The following CDKAL1 variants were observed in gnomAD, a reference collection of about 807,000 sequenced individuals.
CDKAL1 encodes the protein threonylcarbamoyladenosine tRNA methylthiotransferase.
CDKAL1 carries 32 observed loss-of-function variants against 68.2 expected under a neutral mutation model. That is an observed-to-expected ratio of 0.47 (90% CI 0.35 to 0.63). CDKAL1 has a LOEUF of 0.63. Among genes scored for constraint, CDKAL1 ranks in the 30% least tolerant of loss-of-function variants. The pLI is 0.00. For synonymous variants in CDKAL1, 234 were observed against 244.3 expected, an observed-to-expected ratio of 0.96 and a Z score of 0.39; for missense variants, 606 against 696.7, an observed-to-expected ratio of 0.87 and a Z score of 1.47.
chr6:20,963,451 A>G (rs183183868), intron 10 of CDKAL1, among the ~76,000 whole-genome samples: 12 of 152,244 alleles, frequency 7.9e-5, no homozygotes, highest in East Asian at 3.9e-4. Context: ...CTTGATCTCA[A>G]CTACTCCTCA....
chr6:21,205,124 C>T (rs1036701719), intron 15 of CDKAL1, among the ~76,000 whole-genome samples: 3 of 152,274 alleles, frequency 2.0e-5, no homozygotes, highest in Non-Finnish European at 4.4e-5. Flanking sequence ...TAGCACGTGT[C>T]AGAATTTTCC....
chr6:21,002,228 T>A (rs1339266418), intron 11 of CDKAL1, among the ~76,000 whole-genome samples: 1 of 152,224 alleles, frequency 6.6e-6, no homozygotes, highest in Non-Finnish European at 1.5e-5. Flanking sequence ...TTTCGTTGGA[T>A]TCTGAGTTAT....
At chr6:20,815,612 A>G (rs1352595383) in intron 8 of CDKAL1, among the ~76,000 whole-genome samples, 4 of 151,644 alleles carry the variant, frequency 2.6e-5, no homozygotes, top group Non-Finnish European at 5.9e-5. Flanking sequence ...TTAACTGACT[A>G]CACTTAAAAA....
chr6:20,729,267 T>TC (rs1437813081), intron 5 of CDKAL1, among the ~76,000 whole-genome samples: 1 of 152,204 alleles, frequency 6.6e-6, no homozygotes, highest in African/African-American at 2.4e-5. Flanking sequence ...GATGATGCCT[T>TC]CTAAGGAGCT....
intron 5 of CDKAL1, among the ~76,000 whole-genome samples, chr6:20,703,904 T>C (rs568288425): frequency 1.3e-5 from 2 of 152,316 alleles, no homozygotes; most frequent in African/African-American, 2.4e-5. Flanking sequence ...CTTTGAAAAC[T>C]GCTAAAAGTT....
intron 9 of CDKAL1, among the ~76,000 whole-genome samples, chr6:20,921,221 G>A (rs575321513): frequency 9.2e-5 from 14 of 152,272 alleles, no homozygotes; most frequent in South Asian, 8.3e-4. Context: ...ACGAGGTCAA[G>A]AGATCAAGAC....
intron 12 of CDKAL1, among the ~76,000 whole-genome samples, chr6:21,079,776 T>C (rs1325256246): frequency 1.3e-5 from 2 of 152,186 alleles, no homozygotes; most frequent in African/African-American, 4.8e-5. Context: ...CCCAACCTCT[T>C]CTACTCTGAA....
intron 10 of CDKAL1, among the ~76,000 whole-genome samples, chr6:20,976,038 C>G (rs910657790): frequency 6.6e-6 from 1 of 152,142 alleles, no homozygotes; most frequent in Non-Finnish European, 1.5e-5. Flanking sequence ...ATTTACCCCT[C>G]CCTTCTTCTA....
intron 4 of CDKAL1, among the ~76,000 whole-genome samples, chr6:20,635,499 C>A (rs1767864419): frequency 6.7e-6 from 1 of 150,266 alleles, no homozygotes; most frequent in East Asian, 1.9e-4. Context: ...TTTTTTTTTT[C>A]CAGATTTTGG....
Position 20,835,516 on chromosome 6 carries a change from C to CTT in CDKAL1, c.639-10558_639-10557dup, listed in dbSNP as rs766663118. Among the ~76,000 whole-genome samples, 66 of 138,114 alleles carry CTT rather than the reference C, an allele frequency of 4.8e-4. 3 individuals carry two copies. The highest frequency in any genetic ancestry group is 1.0e-3 in the African/African-American group (36 of 36,016). 90.6% of individuals were successfully genotyped at this position (138,114 alleles called of 152,430 possible). On this transcript the variant is annotated intron_variant, in intron 8 of 15. Coordinates refer to ENST00000274695, the MANE Select transcript of CDKAL1 (RefSeq NM_017774.3). Reference sequence around the variant, plus strand: ...CTTGTCTTGTCTTGTCTTGTCTTGTCTTGTCTTTTGTCTTGTCTTGTCTTG... The same window carrying CTT: ...CTTGTCTTGTCTTGTCTTGTCTTGTCTTTTGTCTTTTGTCTTGTCTTGTCTTG...
intron 4 of CDKAL1, among the ~76,000 whole-genome samples, chr6:20,609,603 T>C (rs1433545774): frequency 7.3e-5 from 11 of 151,720 alleles, no homozygotes; most frequent in African/African-American, 2.7e-4. Context: ...ACCATGTTGT[T>C]CAGGCTGGTC....
rs148483033 is a variant in CDKAL1, at chr6:21,048,922, T to C, written c.1056-16126T>C. Among the ~76,000 whole-genome samples, 120 of 152,150 alleles carry C rather than the reference T, an allele frequency of 7.9e-4. 1 individual carries two copies. Among genetic ancestry groups the C allele is most frequent in the African/African-American group, 2.8e-3 (115 of 41,524 alleles). ...TGGTTCTGCTAATGTGAAAGCCCTT[T>C]CAAATATGAAAAAAATAAAGCAAGA... On this transcript the variant is annotated intron_variant, in intron 11 of 15. Coordinates refer to ENST00000274695, the MANE Select transcript of CDKAL1 (RefSeq NM_017774.3).
intron 9 of CDKAL1, among the ~76,000 whole-genome samples, chr6:20,933,575 G>C (rs1169125039): frequency 6.6e-6 from 1 of 152,186 alleles, no homozygotes; most frequent in Non-Finnish European, 1.5e-5. Context: ...ATCTTTTACT[G>C]ATGCAATGAG....
At chr6:21,205,223 C>T (rs1300763437) in intron 15 of CDKAL1, among the ~76,000 whole-genome samples, 2 of 152,220 alleles carry the variant, frequency 1.3e-5, no homozygotes, top group African/African-American at 4.8e-5. Flanking sequence ...TAGGTTGCTT[C>T]TACCATTTGG....
chr6:20,757,348 G>A (rs1774262553), intron 6 of CDKAL1, among the ~76,000 whole-genome samples: 1 of 152,018 alleles, frequency 6.6e-6, no homozygotes, highest in African/African-American at 2.4e-5. Context: ...ATAGAGGTAT[G>A]GATGCATGCA....
chr6:20,982,254 T>C (rs975985602), intron 10 of CDKAL1, among the ~76,000 whole-genome samples: 2 of 151,974 alleles, frequency 1.3e-5, no homozygotes, highest in African/African-American at 4.8e-5. Context: ...AGACAGAATT[T>C]CACCATGTTG....
chr6:21,044,196 A>G (rs1020485933), intron 11 of CDKAL1, among the ~76,000 whole-genome samples: 2 of 151,536 alleles, frequency 1.3e-5, no homozygotes, highest in Non-Finnish European at 2.9e-5. Context: ...AATTCTCTTT[A>G]CTCCTCGACA....
intron 11 of CDKAL1, among the ~76,000 whole-genome samples, chr6:21,058,110 G>C (rs77524039): frequency 6.6e-6 from 1 of 152,108 alleles, no homozygotes; most frequent in African/African-American, 2.4e-5. Flanking sequence ...TTGAAAGTGG[G>C]GTTTTAAAGT....
chr6:21,210,112 G>T (rs940904555), intron 15 of CDKAL1, among the ~76,000 whole-genome samples: 1 of 152,178 alleles, frequency 6.6e-6, no homozygotes, highest in Non-Finnish European at 1.5e-5. Flanking sequence ...TAGTTTGGAT[G>T]ATAAATTATA....
Sources: allele counts gnomAD v4.1 joint callset (sites outside exome capture counted in the v4.1 genomes callset), GRCh38; gene constraint gnomAD v4.1.1; transcripts MANE v1.5; gene names NCBI Gene and HGNC (gene_info 2026-07-23, HGNC 2026-07-21).